MTMR10: variants seen among roughly 807,000 people sequenced by gnomAD.
The protein encoded by MTMR10 is myotubularin-related protein 10.
In MTMR10, 56 loss-of-function variants were observed where a neutral mutation model predicts 88.1. That is an observed-to-expected ratio of 0.64 (90% confidence interval 0.51 to 0.79). The LOEUF is 0.79. MTMR10 is among the 30% of genes least tolerant of loss of function. The pLI, the probability that MTMR10 is intolerant of heterozygous loss-of-function variation, is 0.00. For missense variants in MTMR10, 883 were observed against 924.7 expected, an observed-to-expected ratio of 0.95 and a Z score of 0.58; for synonymous variants, 380 against 340.9, an observed-to-expected ratio of 1.11 and a Z score of -1.26.
At chr15:30,955,001 CT>C in intron 9 of MTMR10, 108 bp from the exon 10 acceptor site, 1 of 952,238 alleles carries the variant, frequency 1.1e-6, no homozygotes, top group South Asian at 2.7e-5. Flanking sequence ...CAGGTAAGGT[CT>C]CTGCCTTCAT....
In MTMR10 at chr15:30,943,071, T is replaced by A; in HGVS notation, c.1550A>T (p.Glu517Val). ...SPHQRVKQST[E>V]FAISKNIQLG... ...TTGGATGTTTTTGCTTATAGCAAAT[T>A]CCTGCAAAATAAATAAATAAATATT... The change falls in exon 15 of 16, where the codon GAA (glutamate) becomes GTA (valine). Residue 517 changes from glutamate (E) to valine (V), a missense_variant and splice_region_variant. Around this residue, in one of 3 missense-constraint regions of MTMR10, gnomAD observed 343 missense variants for 323.2 expected, o/e 1.06. Transcript: ENST00000435680. 1 of 1,525,234 alleles carries A rather than the reference T, an allele frequency of 6.6e-7. No homozygotes were observed. The highest frequency in any genetic ancestry group is 1.4e-5 in the African/African-American group (1 of 71,402). The allele number at this position is 1,525,234 out of a possible 1,614,324, so 94.5% of individuals were successfully genotyped here. A position where few individuals can be genotyped will look rare whatever the true frequency, so the allele number is the denominator to read the frequency against.
Position 30,967,993 on chromosome 15 carries a change from A to G in MTMR10, c.492T>C (p.Ala164=). 1 of 1,568,752 alleles carries G rather than the reference A, an allele frequency of 6.4e-7. No homozygotes were observed. The highest frequency in any genetic ancestry group is 1.2e-5 in the South Asian group (1 of 84,944). ...GGAGGTCTGTTGGCTGGGAATAATG[A>G]GCTATTGCAAGGCATACCTAGGAAA... ...ESAKKVCLAI[A]HYSQPTDLQL... Residue 164 remains alanine (A), a synonymous_variant, in exon 6 of 16, where the codon GCT becomes GCC. Transcript: ENST00000435680.
the MTMR10 span, among the ~76,000 whole-genome samples, chr15:30,922,062 C>T: frequency 6.6e-6 from 1 of 152,344 alleles, no homozygotes; most frequent in East Asian, 1.9e-4. Flanking sequence ...CTCATGCCCA[C>T]TCCAGAAGGC....
intron 15 of MTMR10, 161 bp downstream of exon 15, chr15:30,942,729 C>T (rs1043251): frequency 0.83 from 579,053 of 697,084 alleles, 241,506 homozygotes; most frequent in East Asian, 0.96. Flanking sequence ...AGGAAGAAAG[C>T]TGGGATACAG....
At chr15:30,964,550 T>C (rs1014126113) in intron 6 of MTMR10, among the ~76,000 whole-genome samples, 1 of 152,242 alleles carries the variant, frequency 6.6e-6, no homozygotes, top group Admixed American at 6.5e-5. Context: ...CATCTTCAGT[T>C]AGAGCTCATT....
chr15:30,929,985 TAA>T, the MTMR10 span, among the ~76,000 whole-genome samples: 17 of 125,074 alleles, frequency 1.4e-4, no homozygotes, highest in Admixed American at 4.7e-4. Flanking sequence ...ATATAATATA[TAA>T]GATATCATAT....
the MTMR10 span, chr15:30,926,705 A>G: frequency 1.6e-5 from 16 of 985,430 alleles, no homozygotes; most frequent in Non-Finnish European, 1.9e-5. Context: ...TAGAATGCAC[A>G]TTCAAGGCCC....
rs1324019957 is a variant in MTMR10, at chr15:30,960,971, G to A, written c.668C>T (p.Thr223Ile). The change falls in exon 7 of 16, where the codon ACT becomes ATT. Residue 223 changes from threonine (T) to isoleucine (I), a missense_variant. By Grantham distance (89) the Thr-to-Ile change is moderately conservative. Coordinates refer to ENST00000435680, the MANE Select transcript of MTMR10 (RefSeq NM_017762.3). The stretch of plus-strand genomic sequence containing the variant: ...GATTTCTCTGTCCCAATCCGAGTAA[G>A]TTTCAAAGAGTGGAGTTTTCTGGCT... ...GSSQKTPLFE[T>I]YSDWDREIKR... 4 of 1,603,780 alleles carry A rather than the reference G, an allele frequency of 2.5e-6. No homozygotes were observed. The highest frequency in any genetic ancestry group is 3.4e-6 in the Non-Finnish European group (4 of 1,174,518).
chr15:30,943,109 G>A (rs2063107327), intron 14 of MTMR10, 37 bp from the exon 15 acceptor site: 1 of 1,521,208 alleles, frequency 6.6e-7, no homozygotes, highest in Non-Finnish European at 8.8e-7. Context: ...CAAAACTAAA[G>A]ATTCTCTCAT....
chr15:30,960,810 A>C, intron 7 of MTMR10, 71 bp downstream of exon 7: 1 of 1,407,694 alleles, frequency 7.1e-7, no homozygotes, highest in Non-Finnish European at 9.3e-7. Flanking sequence ...CATCAATGAC[A>C]ACAGAGTTTG....
intron 6 of MTMR10, among the ~76,000 whole-genome samples, chr15:30,962,448 T>C (rs1449653836): frequency 6.6e-6 from 1 of 152,212 alleles, no homozygotes; most frequent in Admixed American, 6.5e-5. Flanking sequence ...CCTAAAAAGA[T>C]GTGTTCATGA....
chr15:30,983,544 A>G (rs777530179), intron 2 of MTMR10, among the ~76,000 whole-genome samples: 2 of 152,206 alleles, frequency 1.3e-5, no homozygotes, highest in Non-Finnish European at 2.9e-5. Context: ...GGACAGAAAT[A>G]ATGTTTCCCA....
intron 14 of MTMR10, among the ~76,000 whole-genome samples, chr15:30,944,227 T>C (rs2063133763): frequency 6.6e-6 from 1 of 152,150 alleles, no homozygotes; most frequent in African/African-American, 2.4e-5. Flanking sequence ...AAATTTTCTA[T>C]TTCAAATAAG....
At chr15:30,930,476 TC>T in the MTMR10 span, 3 of 1,529,600 alleles carry the variant, frequency 2.0e-6, no homozygotes, top group East Asian at 6.9e-5. Flanking sequence ...CGTCTCGTGA[TC>T]CCTGGAGCCT....
At chr15:30,927,528 G>A in the MTMR10 span, 6 of 985,772 alleles carry the variant, frequency 6.1e-6, no homozygotes, top group Non-Finnish European at 6.0e-6. Context: ...CAGGCATGAC[G>A]GGCTGTGGCT....
intron 7 of MTMR10, among the ~76,000 whole-genome samples, chr15:30,960,534 G>C (rs1308735332): frequency 6.6e-6 from 1 of 152,130 alleles, no homozygotes; most frequent in Non-Finnish European, 1.5e-5. Context: ...GAGGTGGGAG[G>C]AGACTGTTGT....
the MTMR10 span, chr15:30,927,460 AG>A: frequency 2.0e-6 from 2 of 985,650 alleles, no homozygotes; most frequent in Non-Finnish European, 2.4e-6. Context: ...TAGAACTGAC[AG>A]GAAGACAGGA....
intron 5 of MTMR10, 152 bp from the exon 6 acceptor site, chr15:30,968,162 T>C (rs2063493783): frequency 4.0e-6 from 2 of 498,790 alleles, no homozygotes; most frequent in South Asian, 7.8e-5. Context: ...ATAAAAGAGC[T>C]CCTTAAGGCC....
chr15:30,991,311 G>T, intron 1 of MTMR10, 136 bp downstream of exon 1: 1 of 906,952 alleles, frequency 1.1e-6, no homozygotes, highest in Non-Finnish European at 1.5e-6. Flanking sequence ...CGCGGCGCCG[G>T]GAATCAGGCA....
Sources: gnomAD v4.1 joint callset for allele counts (sites outside exome capture counted in the v4.1 genomes callset) on GRCh38, gnomAD v4.1.1 for gene constraint, gnomAD v4.1.1 regional missense constraint, MANE v1.5 for transcripts, NCBI Gene and HGNC (gene_info 2026-07-23, HGNC 2026-07-21) for gene names.